The following ANK2 variants were observed in gnomAD, a reference collection of about 807,000 sequenced individuals.
ANK2 encodes ankyrin-2.
Under a neutral mutation model 360.5 loss-of-function variants are expected in ANK2, and 83 were observed. That is an observed-to-expected ratio of 0.23 (90% CI 0.19 to 0.28). The LOEUF (loss-of-function observed/expected upper bound fraction) is 0.28, where lower values mean the gene tolerates loss of function less well. ANK2 is among the 10% of genes least tolerant of loss of function. The pLI is 1.00. For synonymous variants in ANK2, 1,740 were observed against 1,759.5 expected (o/e 0.99, Z 0.28); for missense variants, 4,201 against 4,795.7 (o/e 0.88, Z 3.66).
In ANK2 at chr4:113,049,888, G is replaced by C. The variant is rs559483564; in HGVS notation, c.84+76G>C. The C allele has an allele frequency of 9.7e-6, 15 of 1,542,512 alleles. No individual in the cohort carries two copies. In the African/African-American group the frequency reaches 1.5e-4, roughly 15 times the overall value. Reference sequence around the variant, plus strand: ...ATGTGTGAGTGTGTAATATCAGCAAGGCTATGGAAACCGTGGAGCATTATG... The same window carrying C: ...ATGTGTGAGTGTGTAATATCAGCAACGCTATGGAAACCGTGGAGCATTATG... On this transcript the variant is annotated intron_variant, in intron 1 of 45. Coordinates refer to ENST00000357077, the MANE Select transcript of ANK2 (RefSeq NM_001148.6).
At chr4:113,132,647 G>C (rs188645582) in intron 1 of ANK2, among the ~76,000 whole-genome samples, 1 of 152,194 alleles carries the variant, frequency 6.6e-6, no homozygotes, top group Admixed American at 6.5e-5. Context: ...CTGTGGGTGG[G>C]GTGAAGAGAA....
chr4:112,908,164 G>C (rs1384762234), intron 2 of ANK2, among the ~76,000 whole-genome samples: 1 of 152,154 alleles, frequency 6.6e-6, no homozygotes, highest in Non-Finnish European at 1.5e-5. Context: ...TTAAAAGAGG[G>C]TTAAACTGGA....
At chr4:112,758,408 A>C in the ANK2 span, among the ~76,000 whole-genome samples, 2 of 151,866 alleles carry the variant, frequency 1.3e-5, no homozygotes, top group South Asian at 2.1e-4. Flanking sequence ...AATGCTGTCT[A>C]TTTTTATTTA....
rs1280167255 is a variant in ANK2, at chr4:113,359,290, C to A, written c.10672C>A (p.His3558Asn). 6.2e-7 allele frequency: 1 copy of A among 1,613,774 alleles called. No homozygotes were observed. Among genetic ancestry groups the A allele is most frequent in the Admixed American group, 1.7e-5 (1 of 59,996 alleles). Residue 3558 changes from histidine to asparagine, a missense_variant, in exon 38 of 46, where the codon CAT becomes AAT. Physicochemically the swap from His to Asn is moderately conservative, Grantham distance 68. Around this residue, in one of 4 missense-constraint regions of ANK2, gnomAD observed 2,642 missense variants for 2,714.5 expected, o/e 0.97. Transcript: ENST00000357077. ...CATCCCTGATGAAAATGGCCATGAC[C>A]ATGCTGAAGGTATTTGCCAGCCACC... ...ERIPDENGHD[H>N]AEDPQDEQER... is the part of the protein sequence containing the mutation.
chr4:113,304,699 G>T (rs1238604028), intron 23 of ANK2, among the ~76,000 whole-genome samples: 3 of 151,986 alleles, frequency 2.0e-5, no homozygotes, highest in Non-Finnish European at 4.4e-5. Flanking sequence ...TCACTCCCTT[G>T]GTTGATGATA....
chr4:113,099,407 GA>G (rs1457844335), intron 1 of ANK2, among the ~76,000 whole-genome samples: 3 of 151,890 alleles, frequency 2.0e-5, no homozygotes, highest in African/African-American at 7.2e-5. Flanking sequence ...ACCAAAAAAT[GA>G]AATACTTATG....
At chr4:113,122,575 T>A (rs2095430657) in intron 1 of ANK2, among the ~76,000 whole-genome samples, 1 of 152,120 alleles carries the variant, frequency 6.6e-6, no homozygotes, top group Non-Finnish European at 1.5e-5. Context: ...CACATTAACA[T>A]AAAGTTGATT....
chr4:112,918,321 T>A (rs1300372850), intron 2 of ANK2, among the ~76,000 whole-genome samples: 2 of 152,030 alleles, frequency 1.3e-5, no homozygotes, highest in East Asian at 3.9e-4. Flanking sequence ...GCATTTGGCA[T>A]CCTTGCATAA....
chr4:112,786,290 A>G, the ANK2 span, among the ~76,000 whole-genome samples: 1 of 152,136 alleles, frequency 6.6e-6, no homozygotes, highest in Non-Finnish European at 1.5e-5. Flanking sequence ...GTGTGTAAAA[A>G]TATATGGCAA....
At chr4:113,044,747 T>C (rs1203781021), upstream of ANK2, among the ~76,000 whole-genome samples, 1 of 152,182 alleles carries the variant, frequency 6.6e-6, no homozygotes, top group African/African-American at 2.4e-5. Flanking sequence ...CTTCTCTCTG[T>C]GTGTCTCTAC....
intron 1 of ANK2, among the ~76,000 whole-genome samples, chr4:112,819,588 A>G (rs1401718318): frequency 8.5e-5 from 13 of 152,308 alleles, no homozygotes; most frequent in Admixed American, 7.8e-4. Flanking sequence ...AGAAGAGAGC[A>G]TGCCCCACCC....
In ANK2 at chr4:113,177,332, G is replaced by A. The variant is rs368496271; in HGVS notation, c.186+2815G>A. ...CCTGACCTCGTGATCAGCCCGCCTCGGCCTCCCAAAGTGCTGGGATTACAG... is the reference window on the plus strand; with the variant it reads ...CCTGACCTCGTGATCAGCCCGCCTCAGCCTCCCAAAGTGCTGGGATTACAG... On this transcript the variant is annotated intron_variant, in intron 2 of 45. Coordinates refer to ENST00000357077, the MANE Select transcript of ANK2 (RefSeq NM_001148.6). Among the ~76,000 whole-genome samples, 33 of 151,874 alleles carry A rather than the reference G, an allele frequency of 2.2e-4. 1 individual carries two copies. The highest frequency in any genetic ancestry group is 6.8e-4 in the African/African-American group (28 of 41,424).
chr4:112,987,750 G>A (rs368955383), intron 2 of ANK2, among the ~76,000 whole-genome samples: 20 of 152,000 alleles, frequency 1.3e-4, no homozygotes, highest in African/African-American at 4.8e-4. Flanking sequence ...ACATGTATTA[G>A]TTAGGCAATA....
At chr4:112,926,822 T>G (rs2092616611) in intron 2 of ANK2, among the ~76,000 whole-genome samples, 1 of 152,238 alleles carries the variant, frequency 6.6e-6, no homozygotes, top group Non-Finnish European at 1.5e-5. Flanking sequence ...TTTCAGTATT[T>G]AGCATATGTG....
chr4:112,761,339 C>T, the ANK2 span, among the ~76,000 whole-genome samples: 1 of 151,928 alleles, frequency 6.6e-6, no homozygotes, highest in African/African-American at 2.4e-5. Context: ...ATAAAGTTCT[C>T]GCCTGGCACC....
chr4:113,120,843 G>A (rs1431888115), intron 1 of ANK2, among the ~76,000 whole-genome samples: 1 of 151,998 alleles, frequency 6.6e-6, no homozygotes, highest in Non-Finnish European at 1.5e-5. Flanking sequence ...ACACTTATAA[G>A]TAAGAACATA....
the ANK2 span, among the ~76,000 whole-genome samples, chr4:112,771,433 A>C: frequency 1.3e-5 from 2 of 152,044 alleles, no homozygotes; most frequent in Non-Finnish European, 2.9e-5. Flanking sequence ...TATTTAGTAT[A>C]AGTTTTTGTG....
intron 1 of ANK2, among the ~76,000 whole-genome samples, chr4:113,089,856 A>T (rs1253459408): frequency 2.2e-5 from 1 of 45,838 alleles, no homozygotes; most frequent in East Asian, 6.3e-4. Context: ...AAAAAAGCTG[A>T]TAAAAAAATA....
chr4:112,838,196 T>C (rs1395927417), intron 1 of ANK2, among the ~76,000 whole-genome samples: 2 of 152,182 alleles, frequency 1.3e-5, no homozygotes, highest in Non-Finnish European at 2.9e-5. Flanking sequence ...AGTGTGGCAC[T>C]TCCTCATTCT....
Sources: gnomAD v4.1 joint callset for allele counts (sites outside exome capture counted in the v4.1 genomes callset) on GRCh38, gnomAD v4.1.1 for gene constraint, gnomAD v4.1.1 regional missense constraint, MANE v1.5 for transcripts, NCBI Gene and HGNC (gene_info 2026-07-23, HGNC 2026-07-21) for gene names.